Variants in TMEM242 observed in about 807,000 individuals in gnomAD.
TMEM242 encodes the protein UPF0463 transmembrane protein C6orf35.
A neutral mutation model predicts 18.2 loss-of-function variants in TMEM242; 10 were observed. The ratio of observed to expected loss-of-function variants is 0.55; its 90% CI spans 0.34 to 0.93. TMEM242 has a LOEUF of 0.93. Ranked by LOEUF, TMEM242 falls within the 40% of genes least tolerant of loss-of-function variation. The pLI is 0.02. For missense variants in TMEM242, 186 were observed against 175.5 expected (o/e 1.06, Z -0.34); for synonymous variants, 57 against 69.9 (o/e 0.81, Z 0.92).
At chr6:157,321,483 T>C (rs1321590919) in intron 2 of TMEM242, among the ~76,000 whole-genome samples, 1 of 152,232 alleles carries the variant, frequency 6.6e-6, no homozygotes, top group Non-Finnish European at 1.5e-5. Flanking sequence ...TTGGTGCTAC[T>C]GCCTTAGACC....
At chr6:157,303,268 G>A (rs938549168) in intron 3 of TMEM242, among the ~76,000 whole-genome samples, 1 of 152,222 alleles carries the variant, frequency 6.6e-6, no homozygotes, top group African/African-American at 2.4e-5. Flanking sequence ...TAAGGCTGGG[G>A]AGTGGGCTAA....
intron 2 of TMEM242, among the ~76,000 whole-genome samples, chr6:157,319,644 A>AAAG (rs1778462028): frequency 6.6e-6 from 1 of 152,226 alleles, no homozygotes; most frequent in Admixed American, 6.5e-5. Context: ...CAGGACATTA[A>AAAG]AAGGATAACT....
intron 3 of TMEM242, among the ~76,000 whole-genome samples, chr6:157,313,131 A>G (rs1778246674): frequency 6.7e-6 from 1 of 148,420 alleles, no homozygotes; most frequent in African/African-American, 2.5e-5. Flanking sequence ...CGGCCTCATC[A>G]TAGTGTCCCA....
At chr6:157,294,834 G>A (rs1777731279) in intron 3 of TMEM242, among the ~76,000 whole-genome samples, 1 of 152,148 alleles carries the variant, frequency 6.6e-6, no homozygotes, top group African/African-American at 2.4e-5. Flanking sequence ...TCAGCAGCAT[G>A]GACTCTGTTC....
intron 2 of TMEM242, among the ~76,000 whole-genome samples, chr6:157,320,511 C>T (rs1201755732): frequency 6.6e-6 from 1 of 152,254 alleles, no homozygotes; most frequent in East Asian, 1.9e-4. Context: ...CGCTCTGTCA[C>T]CCAGGCTGGA....
intron 3 of TMEM242, among the ~76,000 whole-genome samples, chr6:157,298,883 G>A (rs1196768685): frequency 2.0e-5 from 3 of 152,154 alleles, no homozygotes; most frequent in Non-Finnish European, 4.4e-5. Context: ...CCCAGCACCT[G>A]GATGCTAAAT....
intron 2 of TMEM242, among the ~76,000 whole-genome samples, chr6:157,322,252 TC>T (rs1204128485): frequency 1.4e-4 from 21 of 152,318 alleles, no homozygotes; most frequent in Admixed American, 1.2e-3. Flanking sequence ...TGCCTCAGCC[TC>T]CCGAGTAGCT....
intron 2 of TMEM242, among the ~76,000 whole-genome samples, chr6:157,321,250 C>T (rs1341140496): frequency 6.6e-6 from 1 of 152,004 alleles, no homozygotes; most frequent in Non-Finnish European, 1.5e-5. Flanking sequence ...CCTCATGATC[C>T]GCCCGCCTTG....
At chr6:157,310,578 G>A (rs1778000127) in intron 3 of TMEM242, among the ~76,000 whole-genome samples, 1 of 142,372 alleles carries the variant, frequency 7.0e-6, no homozygotes, top group African/African-American at 2.8e-5. Context: ...GCCCCAGTGT[G>A]CGCTCACCCG....
chr6:157,314,648 A>T (rs1778354258), intron 3 of TMEM242, among the ~76,000 whole-genome samples: 1 of 152,226 alleles, frequency 6.6e-6, no homozygotes, highest in Non-Finnish European at 1.5e-5. Context: ...GTCTAACAAG[A>T]CATCTTCTGC....
intron 3 of TMEM242, among the ~76,000 whole-genome samples, chr6:157,306,504 T>A (rs1777920326): frequency 6.6e-6 from 1 of 151,552 alleles, no homozygotes; most frequent in Non-Finnish European, 1.5e-5. Context: ...GACTCAGGAG[T>A]AGGTTGTAGT....
rs184286038 is a variant in TMEM242 at position 157,319,028 on chromosome 6, C to T, written c.190-109G>A. On this transcript the variant is annotated intron_variant, in intron 2 of 3. Coordinates refer to ENST00000400788, the MANE Select transcript of TMEM242 (RefSeq NM_018452.6). ...GTGCAAACAACATGATATTAGGAAG[C>T]TAAATCAACCCAAGGTCTAATTCTG... 2.9e-3 allele frequency: 3,368 copies of T among 1,145,712 alleles called. 11 individuals carry two copies. Among genetic ancestry groups the T allele is most frequent in the Non-Finnish European group, 2.8e-3 (2,378 of 852,128 alleles). The allele number at this position is 1,145,712 out of a possible 1,614,324, so 71.0% of individuals were successfully genotyped here. A position where few individuals can be genotyped will look rare whatever the true frequency, so the allele number is the denominator to read the frequency against.
In TMEM242 at chr6:157,305,432, G is replaced by A. The variant is rs1777896648; in HGVS notation, c.328-12433C>T. 6.6e-6 allele frequency among the ~76,000 whole-genome samples: 1 copy of A among 152,156 alleles called. No individual in the cohort carries two copies. Among genetic ancestry groups the A allele is most frequent in the Non-Finnish European group, 1.5e-5 (1 of 68,030 alleles). On this transcript the variant is annotated intron_variant, in intron 3 of 3. Coordinates refer to ENST00000400788, the MANE Select transcript of TMEM242 (RefSeq NM_018452.6). This position sits in a 1 kb window ranked among gnomAD's most constrained non-coding sequence, Gnocchi z 4.1. ...AGTGAGGAAATCAAGTGCTCTAGTTGGGACATGGGTCATGTGACACGCCTA... is the reference window on the plus strand; with the variant it reads ...AGTGAGGAAATCAAGTGCTCTAGTTAGGACATGGGTCATGTGACACGCCTA...
In TMEM242 at chr6:157,311,656, G is replaced by C. The variant is rs183582139; in HGVS notation, c.327+7126C>G. Among the ~76,000 whole-genome samples the C allele has an allele frequency of 2.5e-5, 2 of 81,256 alleles. 1 individual carries two copies. Among genetic ancestry groups the C allele is most frequent in the South Asian group, 8.3e-4 (2 of 2,404 alleles). 53.3% of individuals were successfully genotyped at this position (81,256 alleles called of 152,430 possible). ...TGGCCTCATCATAGTGTCCCAGTGT[G>C]CACTCACCCGGCCTCATCATAGTGT... is the stretch of plus-strand genomic sequence containing the variant. On this transcript the variant is annotated intron_variant, in intron 3 of 3. Transcript: ENST00000400788.
In TMEM242 at chr6:157,290,287, A is replaced by T. The variant is rs992943370; in HGVS notation, c.*2614T>A. On this transcript the variant is annotated 3_prime_UTR_variant, in exon 4 of 4. Transcript: ENST00000400788. ...GAAATGGAAATGGCCTGCGTTATCC[A>T]TCCTTTAAAGCATTTCTAGTGCTCA... The T allele has an allele frequency of 6.6e-6, 1 of 152,198 alleles. No individual in the cohort carries two copies. The highest frequency in any genetic ancestry group is 1.5e-5 in the Non-Finnish European group (1 of 68,030). The allele number at this position is 152,198 out of a possible 1,614,324, so 9.4% of individuals were successfully genotyped here.
intron 3 of TMEM242, among the ~76,000 whole-genome samples, chr6:157,309,374 T>C (rs1407053622): frequency 6.6e-6 from 1 of 152,176 alleles, no homozygotes; most frequent in South Asian, 2.1e-4. Context: ...TCAATATATA[T>C]ACGAAGATAA....
chr6:157,302,877 AAAC>A (rs1176342519), intron 3 of TMEM242, among the ~76,000 whole-genome samples: 1 of 152,230 alleles, frequency 6.6e-6, no homozygotes, highest in East Asian at 1.9e-4. Context: ...CAGGAAATGA[AAAC>A]AACCAGCAAG....
chr6:157,290,234 A>T lies in TMEM242; in HGVS notation c.*2667T>A, dbSNP rs587774817. On this transcript the variant is annotated 3_prime_UTR_variant, in exon 4 of 4. Coordinates refer to ENST00000400788, the MANE Select transcript of TMEM242 (RefSeq NM_018452.6). ...CCCAGTGGAAGCAACAGCCTTACCG[A>T]AAGCCTCCTTAATGTTGGCTTAGAC... The T allele has an allele frequency of 1.3e-5, 2 of 152,274 alleles. No individual in the cohort carries two copies. The highest frequency in any genetic ancestry group is 3.9e-4 in the East Asian group (2 of 5,188). 9.4% of individuals were successfully genotyped at this position (152,274 alleles called of 1,614,324 possible). A position where few individuals can be genotyped will look rare whatever the true frequency, so the allele number is the denominator to read the frequency against.
intron 3 of TMEM242, among the ~76,000 whole-genome samples, chr6:157,310,282 G>C (rs1017150318): frequency 2.6e-5 from 4 of 151,360 alleles, no homozygotes; most frequent in African/African-American, 9.7e-5. Flanking sequence ...TTGCCACTTA[G>C]TACAAGAGTT....
Sources: allele counts gnomAD v4.1 joint callset (sites outside exome capture counted in the v4.1 genomes callset), GRCh38; gene constraint gnomAD v4.1.1; non-coding constraint Gnocchi (gnomAD v3.1); transcripts MANE v1.5; gene names NCBI Gene and HGNC (gene_info 2026-07-23, HGNC 2026-07-21).